Variants in NTM observed in about 807,000 individuals in gnomAD.
The protein encoded by NTM is neurotrimin.
In NTM, 13 loss-of-function variants were observed where a neutral mutation model predicts 42.1. That is an observed-to-expected ratio of 0.31 (90% CI 0.20 to 0.49). NTM has a LOEUF of 0.49. Among genes scored for constraint, NTM ranks in the 20% least tolerant of loss-of-function variants. The probability of loss-of-function intolerance (pLI) is 0.99; values close to 1 mark genes in which losing one functional copy is unlikely to be tolerated. For synonymous variants in NTM, 187 were observed against 179.2 expected, an observed-to-expected ratio of 1.04 and a Z score of -0.35; for missense variants, 373 against 452.8, an observed-to-expected ratio of 0.82 and a Z score of 1.60.
At chr11:131,719,509 G>T (rs2078094804) in intron 1 of NTM, among the ~76,000 whole-genome samples, 1 of 152,160 alleles carries the variant, frequency 6.6e-6, no homozygotes, top group East Asian at 1.9e-4. Context: ...AAAAGCAGGA[G>T]ACCCCATAGC....
At chr11:131,680,273 T>C (rs1480665320) in intron 1 of NTM, among the ~76,000 whole-genome samples, 1 of 152,174 alleles carries the variant, frequency 6.6e-6, no homozygotes, top group African/African-American at 2.4e-5. Context: ...AGATATGGGC[T>C]GTTAGAGAAA....
intron 2 of NTM, among the ~76,000 whole-genome samples, chr11:132,060,141 C>T (rs1399922140): frequency 6.6e-6 from 1 of 152,194 alleles, no homozygotes; most frequent in Non-Finnish European, 1.5e-5. Context: ...AAAACCCAGG[C>T]GTGCTGCCTC....
rs559873487 is a variant in NTM at position 131,910,873 on chromosome 11, G to A, written c.83-691G>A. ...AAGTTGACCGAGGCGGCTGCCGCAG[G>A]ATCCCGGGCCCGGATCGCACGAAGC... On this transcript the variant is annotated intron_variant, in intron 1 of 8. Transcript: ENST00000683400. 17 of 985,232 alleles carry A rather than the reference G, an allele frequency of 1.7e-5. No homozygotes were observed. The South Asian group carries it at 7.0e-4, about 41-fold the overall frequency. 61.0% of individuals were successfully genotyped at this position (985,232 alleles called of 1,614,324 possible).
chr11:132,073,894 A>G (rs920024149), intron 2 of NTM, among the ~76,000 whole-genome samples: 1 of 152,182 alleles, frequency 6.6e-6, no homozygotes, highest in African/African-American at 2.4e-5. Context: ...ACACATGCAC[A>G]TGCTTTCCCA....
chr11:132,062,465 A>C, intron 2 of NTM, among the ~76,000 whole-genome samples: 1 of 151,310 alleles, frequency 6.6e-6, no homozygotes. Flanking sequence ...CTAAGCATCA[A>C]GTTGCTGAAG....
intron 2 of NTM, among the ~76,000 whole-genome samples, chr11:132,059,025 G>A (rs2080180415): frequency 6.6e-6 from 1 of 152,186 alleles, no homozygotes; most frequent in African/African-American, 2.4e-5. Flanking sequence ...TTTCACAAAA[G>A]TTTTAAGATT....
chr11:131,824,811 A>G (rs2041933996), intron 1 of NTM, among the ~76,000 whole-genome samples: 1 of 152,038 alleles, frequency 6.6e-6, no homozygotes, highest in Non-Finnish European at 1.5e-5. Flanking sequence ...AGTAAATGAG[A>G]GAGGGAAAAT....
chr11:132,293,924 G>T (rs1036415289), intron 4 of NTM, among the ~76,000 whole-genome samples: 2 of 152,088 alleles, frequency 1.3e-5, no homozygotes, highest in Non-Finnish European at 2.9e-5. Flanking sequence ...TATACTAGTT[G>T]GTCTTTTATA....
At chr11:131,875,794 A>G (rs904092849) in intron 1 of NTM, among the ~76,000 whole-genome samples, 5 of 152,128 alleles carry the variant, frequency 3.3e-5, no homozygotes, top group African/African-American at 1.2e-4. Flanking sequence ...CTGGCAGGGA[A>G]AGAGCTCTTT....
intron 1 of NTM, among the ~76,000 whole-genome samples, chr11:131,463,386 G>A (rs1951588911): frequency 6.6e-6 from 1 of 152,166 alleles, no homozygotes; most frequent in African/African-American, 2.4e-5. Flanking sequence ...GCCCCCCAGT[G>A]CGTGACCTGG....
chr11:132,139,222 G>A (rs528541487), intron 2 of NTM, among the ~76,000 whole-genome samples: 1 of 152,290 alleles, frequency 6.6e-6, no homozygotes, highest in African/African-American at 2.4e-5. Context: ...TCCACTGTCT[G>A]TGGCTCTATG....
At chr11:131,579,837 C>T (rs1225400171) in intron 1 of NTM, among the ~76,000 whole-genome samples, 2 of 152,144 alleles carry the variant, frequency 1.3e-5, no homozygotes, top group East Asian at 3.9e-4. Flanking sequence ...ATGTTGAAAA[C>T]CTTTCCCCAA....
chr11:131,615,125 A>G (rs938349230), intron 1 of NTM, among the ~76,000 whole-genome samples: 2 of 152,224 alleles, frequency 1.3e-5, no homozygotes, highest in African/African-American at 4.8e-5. Context: ...GGCAGCACAC[A>G]CAATGGCGAA....
intron 1 of NTM, among the ~76,000 whole-genome samples, chr11:131,595,139 A>G (rs942677112): frequency 6.6e-6 from 1 of 152,154 alleles, no homozygotes; most frequent in African/African-American, 2.4e-5. Flanking sequence ...GACTTGAAGG[A>G]GGTGGGATGG....
intron 1 of NTM, among the ~76,000 whole-genome samples, chr11:131,500,857 T>A (rs949648863): frequency 1.3e-5 from 2 of 150,926 alleles, no homozygotes; most frequent in Admixed American, 6.6e-5. Context: ...TTTGTCCTTG[T>A]GATAGCTTGC....
chr11:131,896,833 C>A (rs1430951825), intron 1 of NTM, among the ~76,000 whole-genome samples: 1 of 151,874 alleles, frequency 6.6e-6, no homozygotes, highest in Non-Finnish European at 1.5e-5. Flanking sequence ...GGACTACAGG[C>A]GCCCGCCACC....
chr11:131,397,474 G>A (rs1379411940), intron 1 of NTM, among the ~76,000 whole-genome samples: 1 of 152,150 alleles, frequency 6.6e-6, no homozygotes, highest in African/African-American at 2.4e-5. Context: ...CATGAGTCAA[G>A]CCTAGCTCTC....
intron 1 of NTM, among the ~76,000 whole-genome samples, chr11:131,612,416 G>A (rs1466883608): frequency 6.6e-6 from 1 of 152,226 alleles, no homozygotes; most frequent in Non-Finnish European, 1.5e-5. Context: ...TAGAACTGTG[G>A]AGAGTGCTCC....
chr11:131,789,617 A>AAGAAGAAGAAGAAGAAGG (rs2090422857), intron 1 of NTM, among the ~76,000 whole-genome samples: 3 of 83,066 alleles, frequency 3.6e-5, no homozygotes, highest in Non-Finnish European at 7.3e-5. Context: ...GAAGAAGAAG[A>AAGAAGAAGAAGAAGAAGG]AGAAGAAGAA....
Sources: gnomAD v4.1 joint callset for allele counts (sites outside exome capture counted in the v4.1 genomes callset) on GRCh38, gnomAD v4.1.1 for gene constraint, MANE v1.5 for transcripts, NCBI Gene and HGNC (gene_info 2026-07-23, HGNC 2026-07-21) for gene names.